Variants in DMD observed in about 807,000 individuals in gnomAD.
The protein encoded by DMD is dystrophin.
DMD carries 63 observed loss-of-function variants against 330.1 expected under a neutral mutation model. That is an observed-to-expected ratio of 0.19 (90% confidence interval 0.16 to 0.24). DMD has a LOEUF of 0.24. Among genes scored for constraint, DMD ranks in the 10% least tolerant of loss-of-function variants. DMD has a pLI of 1.00. For synonymous variants in DMD, 1,223 were observed against 959.8 expected (o/e 1.27, Z -5.07); for missense variants, 3,344 against 2,684.1 (o/e 1.25, Z -5.43).
At chrX:31,636,974 T>G (rs2079451860) in intron 54 of DMD, among the ~76,000 whole-genome samples, 1 of 112,083 alleles carries the variant, frequency 8.9e-6, no homozygotes. Context: ...TTAGTAAATG[T>G]TGGTTAATGA....
chrX:32,547,768 A>G (rs2049123706), intron 16 of DMD, among the ~76,000 whole-genome samples: 1 of 111,315 alleles, frequency 9.0e-6, no homozygotes, highest in Non-Finnish European at 1.9e-5. Context: ...TGATTATTAC[A>G]GAGCTCACTA....
At chrX:32,007,758 G>A (rs956080111) in intron 44 of DMD, among the ~76,000 whole-genome samples, 5 of 110,755 alleles carry the variant, frequency 4.5e-5, no homozygotes, top group African/African-American at 1.3e-4. Flanking sequence ...GTCTAGTCAC[G>A]CATTATAAAT....
rs55923814 is a variant in DMD at position 32,819,005 on chromosome X, G to GTTTTTTTT, written c.358-2373_358-2366dup. ...CTGTCACCTCTGCCCTTCTACAGGT[G>GTTTTTTTT]TTTTTTTTTTTTTTTTTTTTTCCAG... On this transcript the variant is annotated intron_variant, in intron 5 of 78. Transcript: ENST00000357033. Among the ~76,000 whole-genome samples the GTTTTTTTT allele has an allele frequency of 1.0e-4, 7 of 69,840 alleles. No homozygotes were observed. In the South Asian group the frequency reaches 3.1e-3, roughly 31 times the overall value. The allele number at this position is 69,840 out of a possible 115,157, so 60.6% of individuals were successfully genotyped here. A position where few individuals can be genotyped will look rare whatever the true frequency, so the allele number is the denominator to read the frequency against.
At chrX:32,977,646 T>C (rs12859693) in intron 2 of DMD, among the ~76,000 whole-genome samples, 4,829 of 111,189 alleles carry the variant, frequency 0.043, 123 homozygotes, top group East Asian at 0.17. Context: ...AAACATGGTG[T>C]TTGACCCTTA....
intron 1 of DMD, among the ~76,000 whole-genome samples, chrX:33,059,386 T>C (rs746762466): frequency 1.1e-4 from 12 of 106,172 alleles, no homozygotes; most frequent in Non-Finnish European, 1.7e-4. Flanking sequence ...CTCACTTTCT[T>C]TCTCTCTCTC....
chrX:32,362,935 G>A lies in DMD; in HGVS notation c.5178C>T (p.Asp1726=), dbSNP rs1408668519. The change falls in exon 37 of 79, where the codon GAC becomes GAT. Residue 1726 remains aspartate, a synonymous_variant. Coordinates refer to ENST00000357033, the MANE Select transcript of DMD (RefSeq NM_004006.3). ...GTGTAGAGTCCACCTTTGGGCGTAT[G>A]TCATTCAGTTCTGCCTTTAAACGCT... ...VLKRLKAELN[D]IRPKVDSTRD... 2 of 1,210,778 alleles carry A rather than the reference G, an allele frequency of 1.7e-6. No homozygotes were observed. The highest frequency in any genetic ancestry group is 2.2e-6 in the Non-Finnish European group (2 of 894,996).
chrX:33,244,383 A>G (rs1380986814), intron 1 of DMD, among the ~76,000 whole-genome samples: 2 of 112,051 alleles, frequency 1.8e-5, no homozygotes, highest in African/African-American at 3.2e-5. Flanking sequence ...TGATTACGAT[A>G]AAATCTGAAA....
intron 59 of DMD, among the ~76,000 whole-genome samples, chrX:31,468,963 T>C (rs1475288694): frequency 9.0e-6 from 1 of 111,607 alleles, no homozygotes; most frequent in Non-Finnish European, 1.9e-5. Flanking sequence ...TTAAAGTCTG[T>C]TTTGTCTGAG....
chrX:31,797,154 A>T (rs1348575863), intron 50 of DMD, among the ~76,000 whole-genome samples: 14 of 112,181 alleles, frequency 1.2e-4, no homozygotes, highest in African/African-American at 4.5e-4. Flanking sequence ...AAAAATTGAC[A>T]ATAAGTACAG....
chrX:31,563,172 C>A (rs1046865957), intron 55 of DMD, among the ~76,000 whole-genome samples: 1 of 111,296 alleles, frequency 9.0e-6, no homozygotes, highest in Non-Finnish European at 1.9e-5. Context: ...TCAAGCGATT[C>A]TCCTGCCTCA....
chrX:32,830,341 T>C (rs1022444627), intron 4 of DMD, among the ~76,000 whole-genome samples: 4 of 111,776 alleles, frequency 3.6e-5, no homozygotes, highest in Non-Finnish European at 7.6e-5. Context: ...TTTCAAGAAT[T>C]ATCAGTCTAA....
At position 32,207,696 on chromosome X, in the gene DMD, G is replaced by A. The variant is rs894827182; in HGVS notation, c.6438+9220C>T. 2.7e-5 allele frequency among the ~76,000 whole-genome samples: 3 copies of A among 111,815 alleles called. No homozygotes were observed. In the Admixed American group the frequency reaches 2.9e-4, roughly 11 times the overall value. On this transcript the variant is annotated intron_variant, in intron 44 of 78. Transcript: ENST00000357033. ...ACTGGTTATGAGATTAAATTTGAAA[G>A]TTCCTATGAACTATCAGTTGAGTGA...
At chrX:32,131,463 G>C (rs1298572025) in intron 44 of DMD, among the ~76,000 whole-genome samples, 1 of 111,589 alleles carries the variant, frequency 9.0e-6, no homozygotes, top group Non-Finnish European at 1.9e-5. Context: ...ATAGCATCCA[G>C]CAGAGCCAAC....
chrX:32,313,756 AACAG>A (rs1282038657), intron 41 of DMD, among the ~76,000 whole-genome samples: 2 of 111,163 alleles, frequency 1.8e-5, no homozygotes, highest in Non-Finnish European at 3.8e-5. Flanking sequence ...ATAAACCAAT[AACAG>A]ACAGAGAGCC....
At chrX:32,776,238 T>A (rs1448087415) in intron 7 of DMD, among the ~76,000 whole-genome samples, 1 of 109,572 alleles carries the variant, frequency 9.1e-6, no homozygotes, top group Non-Finnish European at 1.9e-5. Flanking sequence ...TCAACAAGTC[T>A]CTGGGAAATT....
At chrX:33,053,154 A>T (rs1180801493) in intron 1 of DMD, among the ~76,000 whole-genome samples, 2 of 111,726 alleles carry the variant, frequency 1.8e-5, no homozygotes, top group Admixed American at 9.5e-5. Context: ...TTAATTACTC[A>T]CGTAATTACT....
intron 9 of DMD, among the ~76,000 whole-genome samples, chrX:32,673,375 T>G (rs1198451553): frequency 9.0e-6 from 1 of 111,323 alleles, no homozygotes; most frequent in Non-Finnish European, 1.9e-5. Flanking sequence ...TGCCACCTAC[T>G]GGCCTCTTTA....
chrX:32,378,487 CTTTG>C (rs1174176515), intron 34 of DMD, among the ~76,000 whole-genome samples: 2 of 109,775 alleles, frequency 1.8e-5, no homozygotes, highest in East Asian at 2.8e-4. Flanking sequence ...TGAAATTATG[CTTTG>C]TTTGGATAAA....
At chrX:32,497,439 C>A (rs1339259028) in intron 19 of DMD, among the ~76,000 whole-genome samples, 1 of 111,892 alleles carries the variant, frequency 8.9e-6, no homozygotes, top group Non-Finnish European at 1.9e-5. Context: ...CAGAAAACTA[C>A]AAATAGAAAT....
Sources: allele counts gnomAD v4.1 joint callset (sites outside exome capture counted in the v4.1 genomes callset), GRCh38; gene constraint gnomAD v4.1.1; transcripts MANE v1.5; gene names NCBI Gene and HGNC (gene_info 2026-07-23, HGNC 2026-07-21).